Variants in MAML2 observed in about 807,000 individuals in gnomAD.
MAML2 encodes the protein mastermind like transcriptional coactivator 2, also known as mastermind-like protein 2.
In MAML2, 22 loss-of-function variants were observed where a neutral mutation model predicts 96.1. The observed-to-expected ratio is 0.23, with a 90% CI of 0.16 to 0.33. The LOEUF (loss-of-function observed/expected upper bound fraction) is 0.33, where lower values mean the gene tolerates loss of function less well. Ranked by LOEUF, MAML2 falls within the 10% of genes least tolerant of loss-of-function variation. The pLI, the probability that MAML2 is intolerant of heterozygous loss-of-function variation, is 1.00. For synonymous variants in MAML2, 561 were observed against 521.3 expected (o/e 1.08, Z -1.04); for missense variants, 1,367 against 1,392.4 (o/e 0.98, Z 0.29).
Position 96,077,219 on chromosome 11 carries a change from C to CTT in MAML2, c.2139+14671_2139+14672dup, listed in dbSNP as rs371672772. On this transcript the variant is annotated intron_variant, in intron 2 of 4. Transcript: ENST00000524717. ...GACTTTTTACCCCAACTCTCTCTCT[C>CTT]TTTTTTTTTTTTTTTTTTTTAAAGA... 2.1e-4 allele frequency among the ~76,000 whole-genome samples: 20 copies of CTT among 94,124 alleles called. 2 individuals are homozygous for CTT. Among genetic ancestry groups the CTT allele is most frequent in the Admixed American group, 5.4e-4 (4 of 7,378 alleles). The allele number at this position is 94,124 out of a possible 152,430, so 61.7% of individuals were successfully genotyped here. A position where few individuals can be genotyped will look rare whatever the true frequency, so the allele number is the denominator to read the frequency against.
chr11:96,339,966 C>T (rs1401751089), intron 1 of MAML2, among the ~76,000 whole-genome samples: 4 of 152,218 alleles, frequency 2.6e-5, no homozygotes, highest in Admixed American at 6.5e-5. Flanking sequence ...AAGGGTAAAA[C>T]TGTAAACCCT....
intron 1 of MAML2, among the ~76,000 whole-genome samples, chr11:96,150,736 T>C (rs530166618): frequency 2.0e-5 from 3 of 152,270 alleles, no homozygotes; most frequent in African/African-American, 7.2e-5. Context: ...CTCGTCTCCA[T>C]CCCTGTGGTC....
chr11:96,301,112 C>T (rs561667240), intron 1 of MAML2, among the ~76,000 whole-genome samples: 48 of 152,268 alleles, frequency 3.2e-4, no homozygotes, highest in Admixed American at 1.9e-3. Flanking sequence ...TTTTAACAAT[C>T]GCCCAAGGGT....
chr11:96,273,049 A>G (rs759386965), intron 1 of MAML2, among the ~76,000 whole-genome samples: 1 of 152,174 alleles, frequency 6.6e-6, no homozygotes, highest in Non-Finnish European at 1.5e-5. Flanking sequence ...AGAGAATCAG[A>G]ATTTTTTTTT....
At chr11:96,122,556 G>A (rs1860369712) in intron 1 of MAML2, among the ~76,000 whole-genome samples, 2 of 151,840 alleles carry the variant, frequency 1.3e-5, no homozygotes, top group African/African-American at 4.8e-5. Flanking sequence ...GTTTGTGTAT[G>A]AGATTTTTTC....
At chr11:96,270,623 A>ATACAATAGC (rs1862903958) in intron 1 of MAML2, among the ~76,000 whole-genome samples, 1 of 152,090 alleles carries the variant, frequency 6.6e-6, no homozygotes, top group East Asian at 1.9e-4. Context: ...TTTCTTATTA[A>ATACAATAGC]TACAATAGCT....
At chr11:96,298,252 G>A (rs1343179898) in intron 1 of MAML2, among the ~76,000 whole-genome samples, 2 of 152,282 alleles carry the variant, frequency 1.3e-5, no homozygotes, top group East Asian at 3.9e-4. Flanking sequence ...TTCTGATTAG[G>A]TTAAAGTAAA....
chr11:95,993,228 T>A (rs796593368), intron 2 of MAML2, among the ~76,000 whole-genome samples: 4 of 149,590 alleles, frequency 2.7e-5, no homozygotes, highest in African/African-American at 9.8e-5. Context: ...AAAAAATCCA[T>A]CTGTCATTCA....
At chr11:96,316,347 CATAA>C (rs1329867848) in intron 1 of MAML2, among the ~76,000 whole-genome samples, 2 of 152,080 alleles carry the variant, frequency 1.3e-5, no homozygotes, top group Non-Finnish European at 2.9e-5. Flanking sequence ...GGAACCAATA[CATAA>C]ATAAACACAG....
chr11:96,214,024 C>T (rs1375909639), intron 1 of MAML2, among the ~76,000 whole-genome samples: 3 of 152,156 alleles, frequency 2.0e-5, no homozygotes, highest in Non-Finnish European at 4.4e-5. Context: ...AATTATTTTC[C>T]TTCCCACTCT....
At chr11:96,183,424 T>C (rs1591060460) in intron 1 of MAML2, among the ~76,000 whole-genome samples, 1 of 139,460 alleles carries the variant, frequency 7.2e-6, no homozygotes, top group Admixed American at 7.2e-5. Flanking sequence ...GAGACAAGGG[T>C]TCTCTCTCTG....
At chr11:96,191,481 T>A (rs3016486) in intron 1 of MAML2, among the ~76,000 whole-genome samples, 116,615 of 138,278 alleles carry the variant, frequency 0.84, 47,588 homozygotes, top group South Asian at 0.9. Context: ...ATAACAATAA[T>A]AAAAAAAAAA....
intron 1 of MAML2, among the ~76,000 whole-genome samples, chr11:96,241,655 T>C (rs1028636218): frequency 5.3e-5 from 8 of 152,178 alleles, no homozygotes; most frequent in African/African-American, 9.7e-5. Context: ...CTGTGAACAT[T>C]TGTTGCCAGA....
Position 96,092,482 on chromosome 11 carries a change from C to A in MAML2, c.1549G>T (p.Ala517Ser), listed in dbSNP as rs772099046. The A allele has an allele frequency of 1.2e-6, 2 of 1,607,396 alleles. No homozygotes were observed. Among genetic ancestry groups the A allele is most frequent in the Admixed American group, 3.4e-5 (2 of 59,594 alleles). Residue 517 changes from alanine (A) to serine (S), a missense_variant, in exon 2 of 5, where the codon GCC becomes TCC. Transcript: ENST00000524717. The surrounding 1 kb of genome is among the most constrained non-coding windows in gnomAD (Gnocchi z 4.1). Reference sequence around the variant, plus strand: ...TGCCCACCCTGGGCTGAGGGGCCGGCCTTGTACATGTAGTTAGCCATTACT... The same window carrying A: ...TGCCCACCCTGGGCTGAGGGGCCGGACTTGTACATGTAGTTAGCCATTACT... The part of the protein sequence containing the change: ...SKVMANYMYK[A>S]GPSAQGGHLD...
intron 1 of MAML2, among the ~76,000 whole-genome samples, chr11:96,222,465 GAGA>G (rs777574551): frequency 6.6e-6 from 1 of 152,156 alleles, no homozygotes; most frequent in Non-Finnish European, 1.5e-5. Flanking sequence ...GCCCATATCA[GAGA>G]AGGACACTTC....
chr11:95,994,149 A>G (rs374598699), intron 2 of MAML2, among the ~76,000 whole-genome samples: 1 of 152,198 alleles, frequency 6.6e-6, no homozygotes, highest in South Asian at 2.1e-4. Flanking sequence ...CACTCTTCCC[A>G]GGGTTGAGCA....
intron 2 of MAML2, among the ~76,000 whole-genome samples, chr11:96,051,547 G>A (rs553033891): frequency 1.3e-5 from 2 of 152,208 alleles, no homozygotes; most frequent in African/African-American, 4.8e-5. Context: ...TGGCATCTGA[G>A]CTCAGGCAGT....
chr11:96,183,787 A>C (rs1861529262), intron 1 of MAML2, among the ~76,000 whole-genome samples: 1 of 152,166 alleles, frequency 6.6e-6, no homozygotes, highest in African/African-American at 2.4e-5. Context: ...ACAGAGTTCC[A>C]CATACTCCCA....
intron 1 of MAML2, among the ~76,000 whole-genome samples, chr11:96,294,090 C>T (rs1251654597): frequency 6.6e-6 from 1 of 152,142 alleles, no homozygotes; most frequent in African/African-American, 2.4e-5. Context: ...TATTTTTAAA[C>T]CGTTCTTCAA....
Sources: allele counts gnomAD v4.1 joint callset (sites outside exome capture counted in the v4.1 genomes callset), GRCh38; gene constraint gnomAD v4.1.1; non-coding constraint Gnocchi (gnomAD v3.1); transcripts MANE v1.5; gene names NCBI Gene and HGNC (gene_info 2026-07-23, HGNC 2026-07-21).